KCNH8: variants seen among roughly 807,000 people sequenced by gnomAD.
KCNH8 encodes potassium voltage-gated channel subfamily H member 8, also known as voltage-gated delayed rectifier potassium channel KCNH8.
KCNH8 carries 70 observed loss-of-function variants against 103.6 expected under a neutral mutation model. The ratio of observed to expected loss-of-function variants is 0.68; its 90% CI spans 0.56 to 0.82. The LOEUF is 0.82. Ranked by LOEUF, KCNH8 falls within the 40% of genes least tolerant of loss-of-function variation. The pLI, the probability that KCNH8 is intolerant of heterozygous loss-of-function variation, is 0.00. For missense variants in KCNH8, 1,217 were observed against 1,329.9 expected (o/e 0.92, Z 1.32); for synonymous variants, 498 against 489.4 (o/e 1.02, Z -0.23).
chr3:19,302,963 T>C (rs542067877), intron 3 of KCNH8, among the ~76,000 whole-genome samples: 2 of 151,776 alleles, frequency 1.3e-5, no homozygotes, highest in South Asian at 4.1e-4. Context: ...TACTGTCCAC[T>C]TTATGGTTTA....
At chr3:19,176,606 T>C (rs2063401916) in intron 1 of KCNH8, among the ~76,000 whole-genome samples, 2 of 152,150 alleles carry the variant, frequency 1.3e-5, no homozygotes, top group African/African-American at 4.8e-5. Context: ...GAATATATAC[T>C]CAGTTTGACC....
In KCNH8 at chr3:19,449,738, ACTAT is replaced by A. The variant is rs139683930; in HGVS notation, c.1376-366_1376-363del. 6.8e-3 allele frequency among the ~76,000 whole-genome samples: 1,030 copies of A among 152,264 alleles called. 12 individuals carry two copies. The highest frequency in any genetic ancestry group is 0.023 in the African/African-American group (957 of 41,552). On this transcript the variant is annotated intron_variant, in intron 8 of 15. Coordinates refer to ENST00000328405, the MANE Select transcript of KCNH8 (RefSeq NM_144633.3). ...AAACAATGAAGACTATTTTATTGTA[ACTAT>A]CAAACTATACATAACTATTAAAATA...
intron 5 of KCNH8, among the ~76,000 whole-genome samples, chr3:19,373,014 A>G (rs1057079702): frequency 5.3e-5 from 8 of 151,882 alleles, no homozygotes; most frequent in Non-Finnish European, 1.2e-4. Flanking sequence ...TCGTTTTGCC[A>G]GTATTTTATT....
chr3:19,204,477 TAAAC>T (rs1413582310), intron 1 of KCNH8, among the ~76,000 whole-genome samples: 2 of 151,948 alleles, frequency 1.3e-5, no homozygotes, highest in Non-Finnish European at 2.9e-5. Context: ...GATTTAAAAA[TAAAC>T]AGACCTACTT....
intron 11 of KCNH8, among the ~76,000 whole-genome samples, chr3:19,483,436 A>G (rs2068132050): frequency 6.6e-6 from 1 of 151,982 alleles, no homozygotes; most frequent in African/African-American, 2.4e-5. Flanking sequence ...CTGTCCAATA[A>G]TTGAGGCTTT....
intron 2 of KCNH8, among the ~76,000 whole-genome samples, chr3:19,269,356 A>T (rs770755617): frequency 6.6e-6 from 1 of 152,002 alleles, no homozygotes; most frequent in East Asian, 1.9e-4. Flanking sequence ...CACTATTTTT[A>T]AAAAAATACC....
rs868068689 is a variant in KCNH8, at chr3:19,169,259, T to C, written c.76+20464T>C. Among the ~76,000 whole-genome samples, 550 of 141,446 alleles carry C rather than the reference T, an allele frequency of 3.9e-3. 1 individual carries two copies. Among genetic ancestry groups the C allele is most frequent in the South Asian group, 0.028 (126 of 4,528 alleles). The allele number at this position is 141,446 out of a possible 152,430, so 92.8% of individuals were successfully genotyped here. ...CACTCTTTTGTTTCTTTCTTTCTTT[T>C]TTTTTTTTTTTTTTTTTGAGACGGA... On this transcript the variant is annotated intron_variant, in intron 1 of 15. Transcript: ENST00000328405.
intron 7 of KCNH8, among the ~76,000 whole-genome samples, chr3:19,419,198 T>TTTTTTG (rs1559318863): frequency 7.5e-6 from 1 of 133,060 alleles, no homozygotes; most frequent in Admixed American, 7.3e-5. Flanking sequence ...GGTTTTGGTT[T>TTTTTTG]TTTTTTTTTT....
At chr3:19,299,857 T>G (rs904824181) in intron 3 of KCNH8, among the ~76,000 whole-genome samples, 40 of 152,060 alleles carry the variant, frequency 2.6e-4, no homozygotes, top group African/African-American at 9.6e-4. Flanking sequence ...TAGAAAACAT[T>G]ATTATTTTAA....
rs576977974 is a variant in KCNH8 at position 19,325,505 on chromosome 3, C to T, written c.443-17082C>T. ...AAACATACTGACAAGAAAAAAACAA[C>T]CCCATTAAAAAATGGGCAAGGGACA... On this transcript the variant is annotated intron_variant, in intron 3 of 15. Transcript: ENST00000328405. 1.1e-4 allele frequency among the ~76,000 whole-genome samples: 17 copies of T among 152,126 alleles called. No individual in the cohort carries two copies. The East Asian group carries it at 2.5e-3, about 23-fold the overall frequency.
intron 15 of KCNH8, among the ~76,000 whole-genome samples, chr3:19,519,672 A>AAAAC (rs2125246923): frequency 6.6e-6 from 1 of 151,910 alleles, no homozygotes; most frequent in East Asian, 1.9e-4. Context: ...ACAAAACAAA[A>AAAAC]AAAACACCGA....
At chr3:19,211,829 A>G (rs954446345) in intron 1 of KCNH8, among the ~76,000 whole-genome samples, 1 of 152,202 alleles carries the variant, frequency 6.6e-6, no homozygotes, top group African/African-American at 2.4e-5. Context: ...GTTTTCATCA[A>G]ATAAATGTAT....
At chr3:19,182,694 T>C (rs1040411452) in intron 1 of KCNH8, among the ~76,000 whole-genome samples, 2 of 152,204 alleles carry the variant, frequency 1.3e-5, no homozygotes, top group Non-Finnish European at 2.9e-5. Context: ...TGAGCCCTAG[T>C]AGGCCTCTTT....
chr3:19,404,239 A>C (rs2066658792), intron 7 of KCNH8, among the ~76,000 whole-genome samples: 2 of 151,920 alleles, frequency 1.3e-5, no homozygotes, highest in South Asian at 4.1e-4. Context: ...TTAGATTGGC[A>C]CTGCTTACAG....
intron 1 of KCNH8, among the ~76,000 whole-genome samples, chr3:19,215,385 C>T (rs1051566481): frequency 1.3e-5 from 2 of 152,106 alleles, no homozygotes; most frequent in Non-Finnish European, 2.9e-5. Flanking sequence ...GCTCAGAGAC[C>T]TGGGAGAACC....
At chr3:19,265,783 A>C (rs2064501736) in intron 2 of KCNH8, among the ~76,000 whole-genome samples, 1 of 152,096 alleles carries the variant, frequency 6.6e-6, no homozygotes, top group African/African-American at 2.4e-5. Flanking sequence ...ACACATGCTT[A>C]AACTATACTA....
At chr3:19,532,218 T>C (rs1303978271) in intron 15 of KCNH8, among the ~76,000 whole-genome samples, 1 of 152,178 alleles carries the variant, frequency 6.6e-6, no homozygotes, top group South Asian at 2.1e-4. Flanking sequence ...GGTTCTTAAG[T>C]GTTTGGGCCA....
At chr3:19,397,388 C>T (rs907681416) in intron 7 of KCNH8, among the ~76,000 whole-genome samples, 6 of 151,588 alleles carry the variant, frequency 4.0e-5, no homozygotes, top group Admixed American at 6.6e-5. Flanking sequence ...TCAGTGTCCT[C>T]GTCTACAATG....
At chr3:19,449,180 C>T (rs1447196524) in intron 8 of KCNH8, among the ~76,000 whole-genome samples, 1 of 151,720 alleles carries the variant, frequency 6.6e-6, no homozygotes, top group Admixed American at 6.6e-5. Context: ...CAAAATTGTT[C>T]ATGTCATTAC....
Sources: allele counts gnomAD v4.1 joint callset (sites outside exome capture counted in the v4.1 genomes callset), GRCh38; gene constraint gnomAD v4.1.1; transcripts MANE v1.5; gene names NCBI Gene and HGNC (gene_info 2026-07-23, HGNC 2026-07-21).